The following MAPK10 variants were observed in gnomAD, a reference collection of about 807,000 sequenced individuals.
The protein encoded by MAPK10 is mitogen-activated protein kinase 10, also known as JNK3 alpha protein kinase.
Under a neutral mutation model 59.3 loss-of-function variants are expected in MAPK10, and 25 were observed. The ratio of observed to expected loss-of-function variants is 0.42; its 90% CI spans 0.31 to 0.59. The LOEUF (loss-of-function observed/expected upper bound fraction) is 0.59, where lower values mean the gene tolerates loss of function less well. Ranked by LOEUF, MAPK10 falls within the 20% of genes least tolerant of loss-of-function variation. The probability of loss-of-function intolerance (pLI) is 0.15; values close to 1 mark genes in which losing one functional copy is unlikely to be tolerated. For missense variants in MAPK10, 351 were observed against 568.9 expected, an observed-to-expected ratio of 0.62 and a Z score of 3.90; for synonymous variants, 190 against 200.5, an observed-to-expected ratio of 0.95 and a Z score of 0.44.
At chr4:86,205,924 T>C (rs1201920418) in intron 2 of MAPK10, among the ~76,000 whole-genome samples, 3 of 152,058 alleles carry the variant, frequency 2.0e-5, no homozygotes, top group Non-Finnish European at 4.4e-5. Flanking sequence ...TATAAAGATG[T>C]CTGCCATCAT....
Position 86,183,549 on chromosome 4 carries a change from T to A in MAPK10, c.66+10787A>T, listed in dbSNP as rs1212701867. On this transcript the variant is annotated intron_variant, in intron 3 of 13. Coordinates refer to ENST00000641462, the MANE Select transcript of MAPK10 (RefSeq NM_138982.4). ...TAATCCAGTCTATCATTGTTGGACA[T>A]TTGGGTTGGTTCCAAGTCTTTGCTA... 3.3e-5 allele frequency among the ~76,000 whole-genome samples: 5 copies of A among 152,198 alleles called. No homozygotes were observed. The East Asian group carries it at 7.7e-4, about 24-fold the overall frequency.
chr4:86,131,676 C>T (rs976441393), intron 4 of MAPK10, among the ~76,000 whole-genome samples: 1 of 152,086 alleles, frequency 6.6e-6, no homozygotes, highest in Non-Finnish European at 1.5e-5. Context: ...CAGCATAAAT[C>T]CTGTTTGTAG....
intron 4 of MAPK10, among the ~76,000 whole-genome samples, chr4:86,139,678 C>A (rs1028980528): frequency 8.5e-5 from 13 of 152,216 alleles, no homozygotes; most frequent in Middle Eastern, 3.4e-3. Flanking sequence ...ACAAAATTGA[C>A]AAATGGGATC....
chr4:86,295,270 A>G (rs2095331157), intron 2 of MAPK10, among the ~76,000 whole-genome samples: 1 of 152,032 alleles, frequency 6.6e-6, no homozygotes, highest in Non-Finnish European at 1.5e-5. Flanking sequence ...CCAGATCTCT[A>G]TTTTACTTGC....
chr4:86,227,159 G>A (rs1379456993), intron 2 of MAPK10, among the ~76,000 whole-genome samples: 2 of 150,760 alleles, frequency 1.3e-5, no homozygotes, highest in Non-Finnish European at 3.0e-5. Context: ...TTACAAAAGT[G>A]TAAATATCTA....
intron 1 of MAPK10, among the ~76,000 whole-genome samples, chr4:86,478,567 G>A (rs749672426): frequency 1.1e-4 from 17 of 152,008 alleles, no homozygotes; most frequent in Non-Finnish European, 1.8e-4. Flanking sequence ...TATACTTTCT[G>A]CTCCCCGGCT....
chr4:86,149,902 C>T (rs1562355146), intron 4 of MAPK10, among the ~76,000 whole-genome samples: 1 of 152,086 alleles, frequency 6.6e-6, no homozygotes, highest in Non-Finnish European at 1.5e-5. Flanking sequence ...CCATTCCAAA[C>T]GAGCCCCAGA....
chr4:86,034,473 A>G (rs747092432), intron 11 of MAPK10, among the ~76,000 whole-genome samples: 2 of 152,226 alleles, frequency 1.3e-5, no homozygotes, highest in African/African-American at 2.4e-5. Context: ...AAAAAAACAC[A>G]AACAAGTACA....
chr4:86,146,420 G>T (rs1473160303), intron 4 of MAPK10, among the ~76,000 whole-genome samples: 8 of 152,182 alleles, frequency 5.3e-5, no homozygotes, highest in Non-Finnish European at 1.5e-5. Context: ...TTAGGAGGAT[G>T]ATAGACATTT....
At chr4:86,436,452 A>T (rs1025881604) in intron 1 of MAPK10, among the ~76,000 whole-genome samples, 3 of 152,236 alleles carry the variant, frequency 2.0e-5, no homozygotes, top group African/African-American at 7.2e-5. Flanking sequence ...CAAAACTTTG[A>T]CAAGACAGCA....
At chr4:86,449,584 C>G (rs1221894065) in intron 1 of MAPK10, among the ~76,000 whole-genome samples, 1 of 152,142 alleles carries the variant, frequency 6.6e-6, no homozygotes, top group East Asian at 1.9e-4. Flanking sequence ...GTATGGTGTA[C>G]CCATCCTAAC....
chr4:86,372,564 G>T lies in MAPK10; in HGVS notation c.-121-17920C>A, dbSNP rs199702803. Among the ~76,000 whole-genome samples, 7 of 78,716 alleles carry T rather than the reference G, an allele frequency of 8.9e-5. No homozygotes were observed. In the East Asian group the frequency reaches 2.4e-3, roughly 27 times the overall value. The allele number at this position is 78,716 out of a possible 152,430, so 51.6% of individuals were successfully genotyped here. A position where few individuals can be genotyped will look rare whatever the true frequency, so the allele number is the denominator to read the frequency against. Reference sequence around the variant, plus strand: ...AGAAAGAAAGAAAGAAAGAAAGAAAGAAAGAAAAGAAAAGAAAAGAAAAGA... The same window carrying T: ...AGAAAGAAAGAAAGAAAGAAAGAAATAAAGAAAAGAAAAGAAAAGAAAAGA... On this transcript the variant is annotated intron_variant, in intron 1 of 13. Transcript: ENST00000361569.
intron 2 of MAPK10, among the ~76,000 whole-genome samples, chr4:86,304,587 T>C (rs1302399977): frequency 6.6e-6 from 1 of 151,112 alleles, no homozygotes; most frequent in Non-Finnish European, 1.5e-5. Flanking sequence ...AGAGACGGGG[T>C]TTCACCGTGT....
At chr4:86,071,010 A>G (rs2047820489) in intron 9 of MAPK10, among the ~76,000 whole-genome samples, 1 of 152,102 alleles carries the variant, frequency 6.6e-6, no homozygotes. Context: ...TCCCACCAAC[A>G]GTGTAAAAGT....
At chr4:86,550,285 T>G (rs1375122646) in intron 1 of MAPK10, among the ~76,000 whole-genome samples, 1 of 147,880 alleles carries the variant, frequency 6.8e-6, no homozygotes, top group East Asian at 2.0e-4. Flanking sequence ...GTGTGCTAGA[T>G]CCACAGGGCT....
chr4:86,300,417 C>T (rs766806795), intron 2 of MAPK10, among the ~76,000 whole-genome samples: 2 of 151,912 alleles, frequency 1.3e-5, no homozygotes, highest in Non-Finnish European at 2.9e-5. Flanking sequence ...CATTAAAATG[C>T]TCACTTCTTG....
At chr4:86,524,994 T>G (rs1332814293) in intron 1 of MAPK10, among the ~76,000 whole-genome samples, 2 of 151,928 alleles carry the variant, frequency 1.3e-5, no homozygotes, top group African/African-American at 4.8e-5. Flanking sequence ...ATAATTATCA[T>G]TGACATAAAG....
chr4:86,187,511 G>T (rs72662083), intron 3 of MAPK10, among the ~76,000 whole-genome samples: 4,554 of 152,032 alleles, frequency 0.03, 125 homozygotes, highest in Non-Finnish European at 0.044. Flanking sequence ...AATATTTTGA[G>T]GACCACAGTT....
At chr4:86,304,846 T>C (rs908484238) in intron 2 of MAPK10, among the ~76,000 whole-genome samples, 18 of 152,206 alleles carry the variant, frequency 1.2e-4, no homozygotes, top group Non-Finnish European at 2.1e-4. Flanking sequence ...CTATTCTTTT[T>C]TCAAATATAA....
Sources: gnomAD v4.1 joint callset for allele counts (sites outside exome capture counted in the v4.1 genomes callset) on GRCh38, gnomAD v4.1.1 for gene constraint, MANE v1.5 for transcripts, NCBI Gene and HGNC (gene_info 2026-07-23, HGNC 2026-07-21) for gene names.